The following RBM47 variants were observed in gnomAD, a reference collection of about 807,000 sequenced individuals.
The protein encoded by RBM47 is RNA binding motif protein 47.
A neutral mutation model predicts 47.1 loss-of-function variants in RBM47; 21 were observed. That is an observed-to-expected ratio of 0.45 (90% CI 0.32 to 0.64). The LOEUF (loss-of-function observed/expected upper bound fraction) is 0.64, where lower values mean the gene tolerates loss of function less well. RBM47 is among the 30% of genes least tolerant of loss of function. The pLI, the probability that RBM47 is intolerant of heterozygous loss-of-function variation, is 0.05. For synonymous variants in RBM47, 375 were observed against 361.7 expected (o/e 1.04, Z -0.42); for missense variants, 708 against 870.9 (o/e 0.81, Z 2.35).
intron 4 of RBM47, chr4:40,436,870 GTT>G: frequency 1.5e-6 from 1 of 670,534 alleles, no homozygotes; most frequent in Non-Finnish European, 2.7e-6. Context: ...TGCAGGGTGA[GTT>G]TCTAGGATTG....
intron 1 of RBM47, among the ~76,000 whole-genome samples, chr4:40,588,044 G>A (rs1205343285): frequency 6.6e-6 from 1 of 152,182 alleles, no homozygotes; most frequent in Non-Finnish European, 1.5e-5. Flanking sequence ...AGTTCATGGG[G>A]CCCTGCAATT....
chr4:40,611,930 T>C (rs1736298735), intron 1 of RBM47, among the ~76,000 whole-genome samples: 1 of 152,094 alleles, frequency 6.6e-6, no homozygotes, highest in Non-Finnish European at 1.5e-5. Flanking sequence ...AGAGGTGTAA[T>C]AAAATAATCA....
chr4:40,428,543 A>C (rs1715405019), intron 6 of RBM47, among the ~76,000 whole-genome samples: 1 of 152,212 alleles, frequency 6.6e-6, no homozygotes, highest in Non-Finnish European at 1.5e-5. Flanking sequence ...CACCTTTTCC[A>C]CATGTGTGGA....
chr4:40,557,694 A>T (rs1730233656), intron 1 of RBM47, among the ~76,000 whole-genome samples: 1 of 152,270 alleles, frequency 6.6e-6, no homozygotes, highest in Admixed American at 6.5e-5. Flanking sequence ...GGTTGCAGTG[A>T]GCCAAGGTCG....
intron 2 of RBM47, among the ~76,000 whole-genome samples, chr4:40,493,354 G>A (rs1161254416): frequency 6.6e-6 from 1 of 152,306 alleles, no homozygotes; most frequent in African/African-American, 2.4e-5. Context: ...GGTTGAGGAG[G>A]AGGAAGAAGG....
At chr4:40,534,667 G>A (rs1727746680) in intron 2 of RBM47, among the ~76,000 whole-genome samples, 1 of 152,104 alleles carries the variant, frequency 6.6e-6, no homozygotes, top group East Asian at 1.9e-4. Context: ...GGGTGCGGTG[G>A]CTCACGCCTG....
chr4:40,600,332 G>T (rs1364763669), intron 1 of RBM47, among the ~76,000 whole-genome samples: 1 of 151,944 alleles, frequency 6.6e-6, no homozygotes, highest in Admixed American at 6.6e-5. Context: ...GATCTTAATT[G>T]ATACTATTCT....
chr4:40,552,076 A>G (rs1729615342), intron 1 of RBM47, among the ~76,000 whole-genome samples: 1 of 152,216 alleles, frequency 6.6e-6, no homozygotes, highest in African/African-American at 2.4e-5. Context: ...TAAAAGAAAA[A>G]CATAGAGGCC....
intron 1 of RBM47, among the ~76,000 whole-genome samples, chr4:40,547,982 C>A (rs1399571439): frequency 6.6e-6 from 1 of 152,202 alleles, no homozygotes; most frequent in African/African-American, 2.4e-5. Context: ...GATAGTGAGT[C>A]CAGGTGCTGA....
At chr4:40,543,262 G>A (rs981346420) in intron 2 of RBM47, 4 of 152,070 alleles carry the variant, frequency 2.6e-5, no homozygotes, top group Admixed American at 6.6e-5. Flanking sequence ...ATAAATGAAC[G>A]AGTCACTCTG....
At chr4:40,534,557 G>A (rs191848214) in intron 2 of RBM47, among the ~76,000 whole-genome samples, 2 of 152,204 alleles carry the variant, frequency 1.3e-5, no homozygotes, top group Non-Finnish European at 1.5e-5. Flanking sequence ...GTGAGTTAGC[G>A]AACTCCTGGG....
intron 1 of RBM47, among the ~76,000 whole-genome samples, chr4:40,594,067 AAAAG>A (rs561016883): frequency 1.4e-4 from 22 of 152,080 alleles, no homozygotes; most frequent in African/African-American, 2.7e-4. Flanking sequence ...ACAAACAAAA[AAAAG>A]AAAGAAAGAA....
At chr4:40,581,735 G>GTGCGTGTGTGA (rs1732972694) in intron 1 of RBM47, among the ~76,000 whole-genome samples, 3 of 92,092 alleles carry the variant, frequency 3.3e-5, no homozygotes, top group African/African-American at 1.3e-4. Flanking sequence ...TGTGTGTGAA[G>GTGCGTGTGTGA]AGAGGCTGCA....
Position 40,513,417 on chromosome 4 carries a change from T to TC in RBM47, c.-155+31004_-155+31005insG, listed in dbSNP as rs1159360681. On this transcript the variant is annotated intron_variant, in intron 2 of 6. Coordinates refer to ENST00000295971, the MANE Select transcript of RBM47 (RefSeq NM_001098634.2). ...CAATTGTAGAAATCTGTTGGAACTA[T>TC]TTTTTTTCCTAGATTTTCCTATAAC... is the stretch of plus-strand genomic sequence containing the variant. Among the ~76,000 whole-genome samples the TC allele has an allele frequency of 3.3e-5, 5 of 152,096 alleles. No homozygotes were observed. The South Asian group carries it at 6.2e-4, about 19-fold the overall frequency.
intron 3 of RBM47, among the ~76,000 whole-genome samples, chr4:40,459,418 G>A (rs1039516697): frequency 6.6e-6 from 1 of 152,046 alleles, no homozygotes; most frequent in Non-Finnish European, 1.5e-5. Flanking sequence ...TTTTGTGGGA[G>A]AGCCGTGCAT....
At chr4:40,537,421 C>T (rs555778396) in intron 2 of RBM47, among the ~76,000 whole-genome samples, 12 of 151,860 alleles carry the variant, frequency 7.9e-5, no homozygotes, top group Non-Finnish European at 1.5e-4. Context: ...AGCCACCACA[C>T]CTGGCTAATT....
chr4:40,577,536 GT>G (rs1485626348), intron 1 of RBM47, among the ~76,000 whole-genome samples: 1 of 142,590 alleles, frequency 7.0e-6, no homozygotes, highest in Non-Finnish European at 1.5e-5. Context: ...GTTAGATTCT[GT>G]TTAAAAAAAA....
intron 2 of RBM47, among the ~76,000 whole-genome samples, chr4:40,472,557 T>A (rs1458191122): frequency 1.9e-5 from 2 of 104,624 alleles, no homozygotes; most frequent in African/African-American, 9.8e-5. Context: ...AGTGATGCTC[T>A]GTCTCAAAAA....
At chr4:40,527,770 TG>T (rs1164226950) in intron 2 of RBM47, among the ~76,000 whole-genome samples, 3 of 16,940 alleles carry the variant, frequency 1.8e-4, no homozygotes, top group Admixed American at 6.7e-4. Flanking sequence ...GTTTGGGGGG[TG>T]GGGGGGTGTA....
Sources: allele counts gnomAD v4.1 joint callset (sites outside exome capture counted in the v4.1 genomes callset), GRCh38; gene constraint gnomAD v4.1.1; transcripts MANE v1.5; gene names NCBI Gene and HGNC (gene_info 2026-07-23, HGNC 2026-07-21).